Variants in ACTR3C observed in about 807,000 individuals in gnomAD.
The protein encoded by ACTR3C is actin related protein 3C, also known as actin-related protein 3C.
Under a neutral mutation model 26.3 loss-of-function variants are expected in ACTR3C, and 18 were observed. That is an observed-to-expected ratio of 0.68 (90% CI 0.47 to 1.01). The LOEUF (loss-of-function observed/expected upper bound fraction) is 1.01, where lower values mean the gene tolerates loss of function less well. ACTR3C is among the 50% of genes least tolerant of loss of function. The pLI is 0.00. For synonymous variants in ACTR3C, 55 were observed against 94.5 expected (o/e 0.58, Z 2.42); for missense variants, 184 against 250.7 (o/e 0.73, Z 1.80).
the ACTR3C span, among the ~76,000 whole-genome samples, chr7:150,097,976 G>A: frequency 4.6e-5 from 7 of 151,412 alleles, 1 homozygote; most frequent in East Asian, 1.9e-4. Flanking sequence ...TGTCATAGAC[G>A]TCATGGACTG....
the ACTR3C span, among the ~76,000 whole-genome samples, chr7:150,079,433 C>T: frequency 8.5e-5 from 13 of 152,218 alleles, no homozygotes; most frequent in Non-Finnish European, 1.8e-4. Flanking sequence ...CAATGAATAA[C>T]AGCAGCAAAC....
At chr7:150,005,684 C>T in the ACTR3C span, among the ~76,000 whole-genome samples, 1 of 145,182 alleles carries the variant, frequency 6.9e-6, no homozygotes, top group Non-Finnish European at 1.6e-5. Flanking sequence ...TCTTAGGGAC[C>T]CTTGCCTGTC....
At chr7:150,039,829 GCCCCCAGCGATGGGGGTCCTAAGAGCAAA>G in the ACTR3C span, among the ~76,000 whole-genome samples, 1 of 92,970 alleles carries the variant, frequency 1.1e-5, no homozygotes, top group Non-Finnish European at 2.3e-5. Flanking sequence ...GGGTGCCTCC[GCCCCCAGCGATGGGGGTCCTAAGAGCAAA>G]GGGGGGAAGA....
intron 6 of ACTR3C, among the ~76,000 whole-genome samples, chr7:150,279,966 C>T (rs948334800): frequency 1.3e-5 from 2 of 152,174 alleles, no homozygotes; most frequent in Admixed American, 6.5e-5. Flanking sequence ...CTAGTAGGTA[C>T]TCAAGTACCT....
the ACTR3C span, among the ~76,000 whole-genome samples, chr7:150,089,378 T>A: frequency 3.3e-5 from 5 of 152,204 alleles, no homozygotes; most frequent in Admixed American, 6.5e-5. Context: ...CTCCATGCAA[T>A]CATTTTTCAT....
the ACTR3C span, among the ~76,000 whole-genome samples, chr7:149,946,185 AG>A: frequency 6.6e-6 from 1 of 152,250 alleles, no homozygotes. Flanking sequence ...TCCAGGAATC[AG>A]GACTGTGCAG....
chr7:150,020,889 C>T, the ACTR3C span, among the ~76,000 whole-genome samples: 4 of 152,138 alleles, frequency 2.6e-5, no homozygotes, highest in East Asian at 1.9e-4. Flanking sequence ...GCCACGATCT[C>T]GGCTCACTGC....
the ACTR3C span, among the ~76,000 whole-genome samples, chr7:150,090,740 A>T: frequency 2.7e-5 from 4 of 150,784 alleles, no homozygotes; most frequent in African/African-American, 9.7e-5. Flanking sequence ...CCTATGTAAG[A>T]TACATAAGTT....
At chr7:150,115,162 T>C in the ACTR3C span, among the ~76,000 whole-genome samples, 7 of 152,350 alleles carry the variant, frequency 4.6e-5, no homozygotes, top group African/African-American at 1.7e-4. Context: ...AGAGTTCATT[T>C]TTCCACTGGA....
chr7:150,098,257 T>C, the ACTR3C span, among the ~76,000 whole-genome samples: 3 of 151,632 alleles, frequency 2.0e-5, no homozygotes, highest in Non-Finnish European at 4.4e-5. Flanking sequence ...GATTTTATCC[T>C]TGAGGGGTGT....
At chr7:149,902,200 TAGATATTTTTACTAA>T in the ACTR3C span, among the ~76,000 whole-genome samples, 1 of 151,936 alleles carries the variant, frequency 6.6e-6, no homozygotes, top group Non-Finnish European at 1.5e-5. Context: ...AAAAGACTGT[TAGATATTTTTACTAA>T]AGCTTGAAGG....
chr7:149,895,022 G>A, the ACTR3C span, among the ~76,000 whole-genome samples: 2 of 151,710 alleles, frequency 1.3e-5, no homozygotes, highest in African/African-American at 4.9e-5. Context: ...TAAAGAAAAT[G>A]TGGCTTTATA....
At chr7:150,319,124 A>C (rs1585021613) in intron 1 of ACTR3C, among the ~76,000 whole-genome samples, 1 of 151,980 alleles carries the variant, frequency 6.6e-6, no homozygotes, top group South Asian at 2.1e-4. Context: ...TAAAGTGTAC[A>C]CTCTACTGGG....
At chr7:149,960,182 T>G in the ACTR3C span, among the ~76,000 whole-genome samples, 1 of 152,010 alleles carries the variant, frequency 6.6e-6, no homozygotes, top group Non-Finnish European at 1.5e-5. Context: ...TAAAGAAAAC[T>G]GTCTTTGAGG....
At chr7:150,035,205 G>A in the ACTR3C span, among the ~76,000 whole-genome samples, 2 of 128,154 alleles carry the variant, frequency 1.6e-5, no homozygotes, top group African/African-American at 3.3e-5. Context: ...GCCTCACGGG[G>A]GGTGCCTCCC....
chr7:150,286,919 A>G (rs2129612512), intron 4 of ACTR3C, among the ~76,000 whole-genome samples: 1 of 152,158 alleles, frequency 6.6e-6, no homozygotes, highest in Admixed American at 6.5e-5. Context: ...ACACTGGACC[A>G]GTGGACCCGT....
chr7:150,240,641 A>T (rs1832128334), downstream of ACTR3C, among the ~76,000 whole-genome samples: 1 of 152,238 alleles, frequency 6.6e-6, no homozygotes, highest in Non-Finnish European at 1.5e-5. Flanking sequence ...GTATAAAAAA[A>T]TTAACAGATA....
the ACTR3C span, among the ~76,000 whole-genome samples, chr7:150,024,125 C>A: frequency 6.6e-6 from 1 of 150,874 alleles, no homozygotes; most frequent in South Asian, 2.1e-4. Context: ...AGACCAGAGT[C>A]AGGGCTGTCA....
At chr7:149,895,117 A>G in the ACTR3C span, among the ~76,000 whole-genome samples, 1 of 151,332 alleles carries the variant, frequency 6.6e-6, no homozygotes, top group Non-Finnish European at 1.5e-5. Flanking sequence ...CGAGGGCATT[A>G]TGTTAAGTAA....
Sources: gnomAD v4.1 joint callset for allele counts (sites outside exome capture counted in the v4.1 genomes callset) on GRCh38, gnomAD v4.1.1 for gene constraint, MANE v1.5 for transcripts, NCBI Gene and HGNC (gene_info 2026-07-23, HGNC 2026-07-21) for gene names.